The following C11orf71 variants were observed in gnomAD, a reference collection of about 807,000 sequenced individuals.
C11orf71 encodes uncharacterized protein C11orf71.
For synonymous variants in C11orf71, 72 were observed against 73.4 expected (o/e 0.98, Z 0.09); for missense variants, 179 against 167.6 (o/e 1.07, Z -0.38).
At chr11:114,394,233 T>TTTTCTTTTCTTTTCTTTTC (rs1946103695), downstream of C11orf71, among the ~76,000 whole-genome samples, 8 of 37,696 alleles carry the variant, frequency 2.1e-4, no homozygotes, top group South Asian at 7.9e-4. Flanking sequence ...CTTTTCTTTC[T>TTTTCTTTTCTTTTCTTTTC]TTTCTTTTCT....
chr11:114,394,895 C>G (rs966342798), downstream of C11orf71, among the ~76,000 whole-genome samples: 1 of 150,746 alleles, frequency 6.6e-6, no homozygotes, highest in African/African-American at 2.5e-5. Context: ...TGAAGTAATC[C>G]TTTAAGAAAA....
downstream of C11orf71, among the ~76,000 whole-genome samples, chr11:114,395,562 C>T (rs1946125345): frequency 1.3e-5 from 2 of 152,192 alleles, no homozygotes; most frequent in Admixed American, 1.3e-4. Context: ...TTTTCTTCCT[C>T]TGATTTAGAA....
downstream of C11orf71, among the ~76,000 whole-genome samples, chr11:114,394,292 ATTTTC>A (rs1285972863): frequency 3.9e-5 from 1 of 25,380 alleles, no homozygotes; most frequent in Non-Finnish European, 7.9e-5. Flanking sequence ...CTTTTCTCTT[ATTTTC>A]TTTTCTTTTC....
rs1323763904 is a variant in C11orf71, at chr11:114,398,968, G to A, written c.*992C>T. 1 of 150,948 alleles carries A rather than the reference G, an allele frequency of 6.6e-6. No individual in the cohort carries two copies. The highest frequency in any genetic ancestry group is 2.4e-5 in the African/African-American group (1 of 40,972). The allele number at this position is 150,948 out of a possible 1,614,324, so 9.4% of individuals were successfully genotyped here. Reference sequence around the variant, plus strand: ...TACCACCCTTTAAACATTGGGAAATGTATGGTTAAGAGAACAAAAATAACA... The same window carrying A: ...TACCACCCTTTAAACATTGGGAAATATATGGTTAAGAGAACAAAAATAACA... On this transcript the variant is annotated 3_prime_UTR_variant, in exon 1 of 1. Coordinates refer to ENST00000623205, the MANE Select transcript of C11orf71 (RefSeq NM_001271562.2).
At chr11:114,392,606 C>T (rs1302323143) in intron 1 of C11orf71, among the ~76,000 whole-genome samples, 1 of 150,836 alleles carries the variant, frequency 6.6e-6, no homozygotes, top group East Asian at 1.9e-4. Context: ...TGGTGTGTGC[C>T]TGTAATCCCA....
chr11:114,395,430 G>A (rs1484307567), downstream of C11orf71, among the ~76,000 whole-genome samples: 3 of 152,226 alleles, frequency 2.0e-5, no homozygotes, highest in Non-Finnish European at 4.4e-5. Context: ...GAATTAAGGA[G>A]GAAAGGCTGG....
chr11:114,394,231 T>TTCTTTTC (rs1555024217), downstream of C11orf71, among the ~76,000 whole-genome samples: 10 of 44,832 alleles, frequency 2.2e-4, no homozygotes, highest in Non-Finnish European at 3.1e-4. Flanking sequence ...TTCTTTTCTT[T>TTCTTTTC]CTTTTCTTTT....
chr11:114,393,481 A>G (rs1946088586), intron 1 of C11orf71, among the ~76,000 whole-genome samples: 1 of 152,232 alleles, frequency 6.6e-6, no homozygotes, highest in South Asian at 2.1e-4. Flanking sequence ...AGAATTTTAT[A>G]AATGCCTTCC....
chr11:114,393,667 G>T (rs191287306), downstream of C11orf71, among the ~76,000 whole-genome samples: 10 of 152,250 alleles, frequency 6.6e-5, no homozygotes, highest in African/African-American at 2.4e-4. Context: ...ACTTAATTTT[G>T]TACTTCAGTT....
chr11:114,392,615 C>T (rs1463108518), intron 1 of C11orf71, among the ~76,000 whole-genome samples: 1 of 150,766 alleles, frequency 6.6e-6, no homozygotes. Flanking sequence ...CCTGTAATCC[C>T]AGCTACTGGG....
chr11:114,394,241 TCTTTTCTTTTCTTTTCTTTTC>T (rs1565256568), downstream of C11orf71, among the ~76,000 whole-genome samples: 772 of 58,582 alleles, frequency 0.013, 49 homozygotes, highest in African/African-American at 0.097. Flanking sequence ...TCTTTTCTTT[TCTTTTCTTTTCTTTTCTTTTC>T]TTTTCTTTTC....
chr11:114,397,144 G>A (rs990134013), downstream of C11orf71, among the ~76,000 whole-genome samples: 2 of 152,158 alleles, frequency 1.3e-5, no homozygotes, highest in Non-Finnish European at 2.9e-5. Context: ...GATATAAGAA[G>A]TAGAGGCAGT....
At chr11:114,394,247 CTTTTCTTTTCTTTTCTTTTCTT>C (rs1349789621), downstream of C11orf71, among the ~76,000 whole-genome samples, 2 of 60,556 alleles carry the variant, frequency 3.3e-5, no homozygotes, top group South Asian at 5.9e-4. Context: ...CTTTTCTTTT[CTTTTCTTTTCTTTTCTTTTCTT>C]TTCTTTTCTT....
Position 114,399,017 on chromosome 11 carries a change from G to T in C11orf71, c.*943C>A, listed in dbSNP as rs973875536. The T allele has an allele frequency of 1.0e-4, 15 of 149,888 alleles. No individual in the cohort carries two copies. The highest frequency in any genetic ancestry group is 3.7e-4 in the African/African-American group (15 of 40,662). 9.3% of individuals were successfully genotyped at this position (149,888 alleles called of 1,614,324 possible). On this transcript the variant is annotated 3_prime_UTR_variant, in exon 1 of 1. Transcript: ENST00000623205. Reference sequence around the variant, plus strand: ...CAGCAAATAAGGAGTGATCAGCCAGGTAAGAGAAGAACCAGGATAGTGCAG... The same window carrying T: ...CAGCAAATAAGGAGTGATCAGCCAGTTAAGAGAAGAACCAGGATAGTGCAG...
At chr11:114,392,583 T>C (rs942999976) in intron 1 of C11orf71, among the ~76,000 whole-genome samples, 2 of 143,590 alleles carry the variant, frequency 1.4e-5, no homozygotes, top group African/African-American at 2.6e-5. Context: ...GAAAAAACAT[T>C]AGCTGGGTAT....
chr11:114,396,642 TG>T (rs1946133467), downstream of C11orf71, among the ~76,000 whole-genome samples: 1 of 152,318 alleles, frequency 6.6e-6, no homozygotes, highest in African/African-American at 2.4e-5. Flanking sequence ...TGCAACTGAA[TG>T]GAAATAGGCA....
chr11:114,400,259 C>G lies in C11orf71; in HGVS notation c.73G>C (p.Asp25His). ...AACGCTGACGCCCGCGGTCTGAGGT[C>G]GCCATGGGAAGAGCGGTAGGCCACC... ...SRVAYRSSHG[D>H]LRPRASALAM... Residue 25 changes from aspartate to histidine, a missense_variant, in exon 1 of 1, where the codon GAC becomes CAC. Coordinates refer to ENST00000623205, the MANE Select transcript of C11orf71 (RefSeq NM_001271562.2). 6.2e-7 allele frequency: 1 copy of G among 1,611,198 alleles called. No individual in the cohort carries two copies. The highest frequency in any genetic ancestry group is 8.5e-7 in the Non-Finnish European group (1 of 1,178,746).
downstream of C11orf71, among the ~76,000 whole-genome samples, chr11:114,394,289 CTTAT>C (rs1946112021): frequency 3.2e-5 from 2 of 62,662 alleles, no homozygotes; most frequent in Non-Finnish European, 6.4e-5. Flanking sequence ...TTTCTTTTCT[CTTAT>C]TTTCTTTTCT....
At chr11:114,394,228 C>CTTTCTTTTCTTTTCTTTTCTTTTCT (rs368913754), downstream of C11orf71, among the ~76,000 whole-genome samples, 227 of 48,626 alleles carry the variant, frequency 4.7e-3, 7 homozygotes, top group Admixed American at 5.6e-3. Flanking sequence ...CTTTTCTTTT[C>CTTTCTTTTCTTTTCTTTTCTTTTCT]TTTCTTTTCT....
Sources: gnomAD v4.1 joint callset for allele counts (sites outside exome capture counted in the v4.1 genomes callset) on GRCh38, gnomAD v4.1.1 for gene constraint, MANE v1.5 for transcripts, NCBI Gene and HGNC (gene_info 2026-07-23, HGNC 2026-07-21) for gene names.